Variants in KCNT2 observed in about 807,000 individuals in gnomAD.
The protein encoded by KCNT2 is potassium channel subfamily T member 2.
Under a neutral mutation model 153.8 loss-of-function variants are expected in KCNT2, and 67 were observed. That is an observed-to-expected ratio of 0.44 (90% CI 0.36 to 0.53). The LOEUF is 0.53. Ranked by LOEUF, KCNT2 falls within the 20% of genes least tolerant of loss-of-function variation. The pLI is 0.00. For missense variants in KCNT2, 975 were observed against 1,354.8 expected, an observed-to-expected ratio of 0.72 and a Z score of 4.40; for synonymous variants, 500 against 458.8, an observed-to-expected ratio of 1.09 and a Z score of -1.15.
At chr1:196,526,251 T>C (rs1339351454) in intron 1 of KCNT2, among the ~76,000 whole-genome samples, 4 of 151,720 alleles carry the variant, frequency 2.6e-5, no homozygotes, top group African/African-American at 9.7e-5. Context: ...ATATATGCTA[T>C]GATATATATA....
At chr1:196,572,248 T>G (rs1660866234) in intron 1 of KCNT2, among the ~76,000 whole-genome samples, 1 of 152,084 alleles carries the variant, frequency 6.6e-6, no homozygotes, top group Non-Finnish European at 1.5e-5. Context: ...ACTAGAGACC[T>G]GGAACTTCTC....
rs1195901829 is a variant in KCNT2 at position 196,511,111 on chromosome 1, C to T, written c.96-18770G>A. On this transcript the variant is annotated intron_variant, in intron 1 of 27. Coordinates refer to ENST00000294725, the MANE Select transcript of KCNT2 (RefSeq NM_198503.5). ...ATAAATTATTACACATACGTAAACACACACAACACACACACACACACACAC... is the reference window on the plus strand; with the variant it reads ...ATAAATTATTACACATACGTAAACATACACAACACACACACACACACACAC... Among the ~76,000 whole-genome samples the T allele has an allele frequency of 1.1e-4, 11 of 95,964 alleles. No homozygotes were observed. The Admixed American group carries it at 1.6e-3, about 14-fold the overall frequency. 63.0% of individuals were successfully genotyped at this position (95,964 alleles called of 152,430 possible). A position where few individuals can be genotyped will look rare whatever the true frequency, so the allele number is the denominator to read the frequency against.
intron 19 of KCNT2, among the ~76,000 whole-genome samples, chr1:196,321,686 T>G (rs972695686): frequency 6.6e-6 from 1 of 151,918 alleles, no homozygotes; most frequent in East Asian, 1.9e-4. Context: ...AAATATATAA[T>G]CCTGATGAAG....
chr1:196,564,675 A>G (rs377600479), intron 1 of KCNT2, among the ~76,000 whole-genome samples: 77 of 152,112 alleles, frequency 5.1e-4, no homozygotes, highest in African/African-American at 1.8e-3. Flanking sequence ...AACAGAATAG[A>G]CAGCCTAGAA....
intron 19 of KCNT2, among the ~76,000 whole-genome samples, chr1:196,322,712 A>T (rs1220698158): frequency 6.6e-6 from 1 of 151,920 alleles, no homozygotes; most frequent in South Asian, 2.1e-4. Flanking sequence ...AACTAATAAC[A>T]ATTAAAAATT....
chr1:196,465,444 T>G lies in KCNT2; in HGVS notation c.544-57A>C, dbSNP rs767856042. On this transcript the variant is annotated intron_variant, in intron 7 of 27. Coordinates refer to ENST00000294725, the MANE Select transcript of KCNT2 (RefSeq NM_198503.5). ...TTGATAAATACTAAATATGCATGAG[T>G]TTCATTACATTTATTAGCATACATT... 3.2e-5 allele frequency: 29 copies of G among 900,512 alleles called. No individual in the cohort carries two copies. The Middle Eastern group carries it at 6.9e-4, about 21-fold the overall frequency. The allele number at this position is 900,512 out of a possible 1,614,324, so 55.8% of individuals were successfully genotyped here. A position where few individuals can be genotyped will look rare whatever the true frequency, so the allele number is the denominator to read the frequency against.
At chr1:196,570,442 C>T (rs1300932642) in intron 1 of KCNT2, among the ~76,000 whole-genome samples, 2 of 152,058 alleles carry the variant, frequency 1.3e-5, no homozygotes, top group Non-Finnish European at 2.9e-5. Context: ...GAGAGTTAGA[C>T]ATACTTGTGG....
chr1:196,423,088 TA>T lies in KCNT2; in HGVS notation c.1146del (p.Phe382LeufsTer20). 1 of 1,605,242 alleles carries T rather than the reference TA, an allele frequency of 6.2e-7. No homozygotes were observed. Among genetic ancestry groups the T allele is most frequent in the Non-Finnish European group, 8.5e-7 (1 of 1,174,554 alleles). ...TCCACTTCACAACGGCTACTGAGAATAAAACAGGCCTCAGCGTCATCCATCC... is the reference window on the plus strand; with the variant it reads ...TCCACTTCACAACGGCTACTGAGAATAAACAGGCCTCAGCGTCATCCATCC... ...RAKMDDAEACFILSSRCEVDR... is the reference protein window; with the variant it reads ...RAKMDDAEACXILSSRCEVDR... On this transcript the variant is annotated frameshift_variant, in exon 12 of 28. Transcript: ENST00000294725. LOFTEE classifies it high-confidence loss of function.
At chr1:196,257,410 A>C (rs1401946183) in intron 26 of KCNT2, 1 of 971,170 alleles carries the variant, frequency 1.0e-6, no homozygotes, top group African/African-American at 1.8e-5. Flanking sequence ...CTTCTATTTG[A>C]TTCTTAACTT....
intron 1 of KCNT2, among the ~76,000 whole-genome samples, chr1:196,525,969 T>C (rs923014310): frequency 6.6e-6 from 1 of 151,798 alleles, no homozygotes; most frequent in Non-Finnish European, 1.5e-5. Flanking sequence ...GCAGAGTTGA[T>C]GGCAACTTTA....
At chr1:196,277,382 C>T (rs1454240830) in intron 25 of KCNT2, among the ~76,000 whole-genome samples, 2 of 152,074 alleles carry the variant, frequency 1.3e-5, no homozygotes, top group Non-Finnish European at 2.9e-5. Flanking sequence ...TGGTCAGTTT[C>T]CCTAAGAAAG....
chr1:196,269,360 T>C (rs1657848038), intron 25 of KCNT2, among the ~76,000 whole-genome samples: 1 of 148,346 alleles, frequency 6.7e-6, no homozygotes, highest in Non-Finnish European at 1.5e-5. Flanking sequence ...TGTGTATATG[T>C]GTGTGTGTGT....
chr1:196,231,087 G>A (rs1043240750), intron 27 of KCNT2, among the ~76,000 whole-genome samples: 2 of 151,676 alleles, frequency 1.3e-5, no homozygotes, highest in Admixed American at 6.6e-5. Context: ...CAATCTGTCA[G>A]CAGCCATCAA....
At chr1:196,406,283 T>C (rs537272147) in intron 12 of KCNT2, among the ~76,000 whole-genome samples, 1 of 151,680 alleles carries the variant, frequency 6.6e-6, no homozygotes, top group East Asian at 1.9e-4. Context: ...AAGAAAATGA[T>C]ACATTTCATT....
intron 12 of KCNT2, among the ~76,000 whole-genome samples, chr1:196,411,274 C>A (rs1043578188): frequency 2.0e-5 from 3 of 151,002 alleles, no homozygotes; most frequent in African/African-American, 7.3e-5. Context: ...AGTCTATATG[C>A]GTGTATTTAT....
At chr1:196,239,477 C>A (rs1654751802) in intron 26 of KCNT2, among the ~76,000 whole-genome samples, 1 of 151,802 alleles carries the variant, frequency 6.6e-6, no homozygotes, top group African/African-American at 2.4e-5. Flanking sequence ...CTTCAAATGG[C>A]AAATATTTTG....
chr1:196,378,357 A>G (rs188780598), intron 13 of KCNT2, among the ~76,000 whole-genome samples: 14 of 152,228 alleles, frequency 9.2e-5, no homozygotes, highest in African/African-American at 3.1e-4. Context: ...ATATTGCTAG[A>G]TTATTAGGAG....
chr1:196,393,752 T>C (rs1670683241), intron 13 of KCNT2, among the ~76,000 whole-genome samples: 1 of 151,438 alleles, frequency 6.6e-6, no homozygotes, highest in Admixed American at 6.6e-5. Flanking sequence ...GGTTTGCAAC[T>C]GAGGAGGGGA....
At chr1:196,379,645 TGTACATGC>T (rs1669308698) in intron 13 of KCNT2, among the ~76,000 whole-genome samples, 1 of 151,796 alleles carries the variant, frequency 6.6e-6, no homozygotes, top group Admixed American at 6.6e-5. Flanking sequence ...ACAAGATATA[TGTACATGC>T]ATCTTATCTT....
Sources: allele counts gnomAD v4.1 joint callset (sites outside exome capture counted in the v4.1 genomes callset), GRCh38; gene constraint gnomAD v4.1.1; transcripts MANE v1.5; gene names NCBI Gene and HGNC (gene_info 2026-07-23, HGNC 2026-07-21).